Variants in SRL observed in about 807,000 individuals in gnomAD.
SRL encodes sarcalumenin.
Under a neutral mutation model 39.5 loss-of-function variants are expected in SRL, and 23 were observed. The observed-to-expected ratio is 0.58, with a 90% CI of 0.42 to 0.82. The LOEUF is 0.82. Among genes scored for constraint, SRL ranks in the 40% least tolerant of loss-of-function variants. SRL has a pLI of 0.00. For missense variants in SRL, 592 were observed against 607.8 expected (o/e 0.97, Z 0.27); for synonymous variants, 272 against 237.4 (o/e 1.15, Z -1.34).
At position 4,242,052 on chromosome 16, in the gene SRL, G is replaced by C. The variant is rs1326764860; in HGVS notation, c.16C>G (p.Leu6Val). ...AGCGAGGCCAGGAGGCAGCCGAGCA[G>C]GACCAGCGCCCTCATGGTGACTGCC... MRALV[L>V]LGCLLASLLF... The change falls in exon 1 of 6, where the codon CTG (leucine) becomes GTG (valine). Residue 6 changes from leucine (L) to valine (V), a missense_variant. By Grantham distance (32) the Leu-to-Val change is conservative. Transcript: ENST00000399609. The C allele has an allele frequency of 6.2e-7, 1 of 1,612,508 alleles. No homozygotes were observed. Among genetic ancestry groups the C allele is most frequent in the African/African-American group, 1.3e-5 (1 of 75,060 alleles).
intron 1 of SRL, chr16:4,207,855 TCTGTGG>T: frequency 2.2e-6 from 1 of 456,480 alleles, no homozygotes; most frequent in South Asian, 1.5e-5. Flanking sequence ...TGGAGGTGAC[TCTGTGG>T]CTGAGGCATT....
At chr16:4,206,595 C>G (rs947817616) in intron 1 of SRL, 2 of 423,650 alleles carry the variant, frequency 4.7e-6, no homozygotes, top group Non-Finnish European at 9.6e-6. Flanking sequence ...GCCACCTCCC[C>G]GGGCCGGGAC....
At chr16:4,221,502 C>T (rs1416352428) in intron 1 of SRL, among the ~76,000 whole-genome samples, 2 of 152,180 alleles carry the variant, frequency 1.3e-5, no homozygotes, top group African/African-American at 4.8e-5. Flanking sequence ...TGTCCCCAGG[C>T]TGACCCTCCC....
At chr16:4,212,985 G>A (rs1324466580) in intron 1 of SRL, among the ~76,000 whole-genome samples, 1 of 152,118 alleles carries the variant, frequency 6.6e-6, no homozygotes, top group African/African-American at 2.4e-5. Context: ...AAGGGCCCTC[G>A]TGAGTCCAAC....
intron 1 of SRL, among the ~76,000 whole-genome samples, chr16:4,237,954 A>T (rs1215208781): frequency 2.0e-5 from 3 of 152,134 alleles, no homozygotes; most frequent in Admixed American, 6.6e-5. Context: ...AGATTCAGCT[A>T]CGTGCAAGGG....
intron 1 of SRL, among the ~76,000 whole-genome samples, chr16:4,241,474 A>C (rs145767041): frequency 2.6e-5 from 4 of 151,788 alleles, no homozygotes; most frequent in Admixed American, 1.3e-4. Flanking sequence ...CCAACCGCCA[A>C]CTCTATTTCC....
intron 1 of SRL, among the ~76,000 whole-genome samples, chr16:4,212,689 C>T (rs1403631618): frequency 6.6e-6 from 1 of 152,186 alleles, no homozygotes; most frequent in Non-Finnish European, 1.5e-5. Flanking sequence ...ACAGGAATAG[C>T]AGGCCCCAAC....
rs569764832 is a variant in SRL at position 4,190,415 on chromosome 16, G to A, written c.*1738C>T. Reference sequence around the variant, plus strand: ...AGGACAGCTTGTTCCCAAGAGAAGCGGCTGGCTGTGTACAAAGGAGCCCCT... The same window carrying A: ...AGGACAGCTTGTTCCCAAGAGAAGCAGCTGGCTGTGTACAAAGGAGCCCCT... On this transcript the variant is annotated 3_prime_UTR_variant, in exon 6 of 6. Transcript: ENST00000399609. The A allele has an allele frequency of 1.3e-5, 5 of 398,684 alleles. No individual in the cohort carries two copies. Among genetic ancestry groups the A allele is most frequent in the African/African-American group, 2.1e-5 (1 of 48,630 alleles). The allele number at this position is 398,684 out of a possible 1,614,324, so 24.7% of individuals were successfully genotyped here. A position where few individuals can be genotyped will look rare whatever the true frequency, so the allele number is the denominator to read the frequency against.
chr16:4,227,823 G>A (rs1026121813), intron 1 of SRL, among the ~76,000 whole-genome samples: 1 of 152,170 alleles, frequency 6.6e-6, no homozygotes, highest in Non-Finnish European at 1.5e-5. Context: ...ACAGCTACAT[G>A]AACTGAACTG....
intron 1 of SRL, chr16:4,239,674 G>GT (rs1373513290): frequency 1.3e-5 from 2 of 152,414 alleles, no homozygotes; most frequent in Admixed American, 1.3e-4. Context: ...GGCAGGGTCT[G>GT]TCACAGAGAG....
intron 1 of SRL, among the ~76,000 whole-genome samples, chr16:4,224,633 C>T (rs1021617835): frequency 6.6e-6 from 1 of 151,990 alleles, no homozygotes; most frequent in Non-Finnish European, 1.5e-5. Flanking sequence ...ATGGCTTGAG[C>T]CCAGGAGACG....
chr16:4,209,620 G>T (rs1242093967), intron 1 of SRL, among the ~76,000 whole-genome samples: 6 of 152,164 alleles, frequency 3.9e-5, no homozygotes, highest in Admixed American at 3.9e-4. Flanking sequence ...GGCCTCCAGG[G>T]ATCAGGAGCA....
At chr16:4,204,920 G>A (rs528878849) in intron 1 of SRL, among the ~76,000 whole-genome samples, 26 of 152,208 alleles carry the variant, frequency 1.7e-4, no homozygotes, top group African/African-American at 5.1e-4. Context: ...GAACACCTTC[G>A]CCACGCCAGG....
At position 4,241,860 on chromosome 16, in the gene SRL, G is replaced by A. The variant is rs1280506550; in HGVS notation, c.61+147C>T. On this transcript the variant is annotated intron_variant, in intron 1 of 5. Coordinates refer to ENST00000399609, the MANE Select transcript of SRL (RefSeq NM_001098814.2). ...GCTCTTTCTCTGAGGCCCCAGGCCCGGGGAAAAGAGAAGGGTAAGAAGACA... is the reference window on the plus strand; with the variant it reads ...GCTCTTTCTCTGAGGCCCCAGGCCCAGGGAAAAGAGAAGGGTAAGAAGACA... 71 of 807,886 alleles carry A rather than the reference G, an allele frequency of 8.8e-5. 1 individual carries two copies. Among genetic ancestry groups the A allele is most frequent in the South Asian group, 7.3e-4 (41 of 56,512 alleles). 50.0% of individuals were successfully genotyped at this position (807,886 alleles called of 1,614,324 possible).
At chr16:4,240,219 C>G (rs191415905) in intron 1 of SRL, among the ~76,000 whole-genome samples, 1 of 152,130 alleles carries the variant, frequency 6.6e-6, no homozygotes, top group East Asian at 1.9e-4. Context: ...TAGCACACAG[C>G]GGAGAGATGA....
chr16:4,226,919 G>C (rs947173794), intron 1 of SRL, among the ~76,000 whole-genome samples: 6 of 151,946 alleles, frequency 3.9e-5, no homozygotes, highest in Admixed American at 1.3e-4. Flanking sequence ...TGAATGGATG[G>C]ATGGAAGGAT....
At chr16:4,236,434 C>T (rs1698941636) in intron 1 of SRL, among the ~76,000 whole-genome samples, 1 of 152,168 alleles carries the variant, frequency 6.6e-6, no homozygotes, top group Admixed American at 6.5e-5. Flanking sequence ...ACTCCTCAAA[C>T]TTAGCGTTGA....
intron 1 of SRL, among the ~76,000 whole-genome samples, chr16:4,217,132 T>C (rs1223357428): frequency 6.6e-6 from 1 of 152,214 alleles, no homozygotes; most frequent in African/African-American, 2.4e-5. Context: ...TTCCCTAGCC[T>C]GAGCCAGGCC....
Position 4,203,234 on chromosome 16 carries a change from T to A in SRL, c.191A>T (p.Tyr64Phe), listed in dbSNP as rs905908974. 2.5e-6 allele frequency: 4 copies of A among 1,614,062 alleles called. No homozygotes were observed. The highest frequency in any genetic ancestry group is 1.7e-5 in the Admixed American group (1 of 60,008). ...CTCCAGAGGCTTGATGGATGAGTGG[T>A]AGATCTTCCGAAGCCGCTGCAGCAC... ...SAVLQRLRKIYHSSIKPLEQS... is the reference protein window; with the variant it reads ...SAVLQRLRKIFHSSIKPLEQS... The change falls in exon 3 of 6, where the codon TAC becomes TTC. Residue 64 changes from tyrosine (Y) to phenylalanine (F), a missense_variant. Tyr to Phe is a conservative substitution (Grantham distance 22). Transcript: ENST00000399609.
Sources: gnomAD v4.1 joint callset for allele counts (sites outside exome capture counted in the v4.1 genomes callset) on GRCh38, gnomAD v4.1.1 for gene constraint, MANE v1.5 for transcripts, NCBI Gene and HGNC (gene_info 2026-07-23, HGNC 2026-07-21) for gene names.